The following TEKTIP1 variants were observed in gnomAD, a reference collection of about 807,000 sequenced individuals.
The protein encoded by TEKTIP1 is tektin bundle interacting protein 1, also known as tektin bundle-interacting protein 1.
the TEKTIP1 span, chr19:3,541,563 C>T: frequency 2.6e-5 from 17 of 657,678 alleles, no homozygotes; most frequent in South Asian, 1.3e-4. Context: ...CCTCATGATC[C>T]GCCTGCCTCG....
chr19:3,542,049 A>C, the TEKTIP1 span: 1 of 760,714 alleles, frequency 1.3e-6, no homozygotes, highest in Non-Finnish European at 1.6e-6. Flanking sequence ...ACCTCAGGTG[A>C]TCTACCCACC....
At chr19:3,541,214 T>C in the TEKTIP1 span, among the ~76,000 whole-genome samples, 6 of 143,094 alleles carry the variant, frequency 4.2e-5, no homozygotes, top group Non-Finnish European at 7.5e-5. Flanking sequence ...CACGTGCCTG[T>C]AATGCCAGCT....
the TEKTIP1 span, chr19:3,543,119 G>A: frequency 3.3e-6 from 5 of 1,521,290 alleles, no homozygotes; most frequent in Non-Finnish European, 4.4e-6. Context: ...GGCGAGGGAG[G>A]GAGACCCCAC....
the TEKTIP1 span, chr19:3,543,728 C>T: frequency 6.7e-5 from 100 of 1,494,208 alleles, no homozygotes; most frequent in Non-Finnish European, 8.5e-5. Flanking sequence ...GGGGACAAGG[C>T]CACCTAGGCC....
At chr19:3,541,752 T>G in the TEKTIP1 span, 1 of 985,204 alleles carries the variant, frequency 1.0e-6, no homozygotes, top group African/African-American at 1.7e-5. Flanking sequence ...GAGTGGCAGG[T>G]GGGTACGGGG....
the TEKTIP1 span, among the ~76,000 whole-genome samples, chr19:3,540,461 T>C: frequency 6.6e-6 from 1 of 150,896 alleles, no homozygotes; most frequent in Non-Finnish European, 1.5e-5. Context: ...TTTCACCATG[T>C]TGGCCAGGAT....
chr19:3,542,128 TTG>T, the TEKTIP1 span: 60 of 985,354 alleles, frequency 6.1e-5, no homozygotes, highest in African/African-American at 1.0e-3. Flanking sequence ...GCTGTTTTAA[TTG>T]TGTTTTAAAA....
At chr19:3,541,300 C>G in the TEKTIP1 span, among the ~76,000 whole-genome samples, 1 of 151,760 alleles carries the variant, frequency 6.6e-6, no homozygotes, top group African/African-American at 2.4e-5. Context: ...CGTGCCACTG[C>G]ATTCCAGCCT....
At chr19:3,543,293 C>G in the TEKTIP1 span, 6 of 1,548,540 alleles carry the variant, frequency 3.9e-6, no homozygotes, top group Non-Finnish European at 5.2e-6. Context: ...GCAGGCCACA[C>G]GCTGGAAGTA....
the TEKTIP1 span, chr19:3,543,769 C>A: frequency 6.7e-7 from 1 of 1,489,470 alleles, no homozygotes; most frequent in Non-Finnish European, 9.0e-7. Flanking sequence ...GATCCAGGAG[C>A]CCCTTGCTGG....
the TEKTIP1 span, chr19:3,541,839 C>T: frequency 4.3e-5 from 42 of 970,442 alleles, no homozygotes; most frequent in East Asian, 1.1e-4. Flanking sequence ...GACAGAGTCT[C>T]GCTCTCTCAC....
chr19:3,540,758 A>G, the TEKTIP1 span, among the ~76,000 whole-genome samples: 1 of 151,730 alleles, frequency 6.6e-6, no homozygotes, highest in Non-Finnish European at 1.5e-5. Flanking sequence ...TCATGCCTGT[A>G]ATCCCAGCTA....
the TEKTIP1 span, chr19:3,543,632 T>TG: frequency 1.3e-6 from 2 of 1,543,738 alleles, no homozygotes; most frequent in Non-Finnish European, 1.7e-6. Flanking sequence ...CAGCACCCGG[T>TG]GGGGGAGCGC....
the TEKTIP1 span, chr19:3,541,472 A>C: frequency 1.3e-5 from 2 of 157,826 alleles, no homozygotes; most frequent in Non-Finnish European, 2.7e-5. Context: ...ACAGGCACCC[A>C]CCACCACGCC....
At chr19:3,543,489 CCCG>C in the TEKTIP1 span, 2 of 1,521,028 alleles carry the variant, frequency 1.3e-6, no homozygotes, top group Middle Eastern at 2.3e-4. Context: ...TGCCCCCCCC[CCCG>C]CCCTGGGCAG....
the TEKTIP1 span, among the ~76,000 whole-genome samples, chr19:3,540,442 G>A: frequency 3.3e-5 from 5 of 151,460 alleles, no homozygotes; most frequent in Non-Finnish European, 7.4e-5. Context: ...ATTTTTAGTA[G>A]AGACGGGGTT....
At chr19:3,541,386 G>A in the TEKTIP1 span, among the ~76,000 whole-genome samples, 1 of 149,130 alleles carries the variant, frequency 6.7e-6, no homozygotes, top group African/African-American at 2.5e-5. Flanking sequence ...GCAGTGGAAT[G>A]ATCTCAGCTC....
At chr19:3,543,756 G>A in the TEKTIP1 span, 2 of 1,491,434 alleles carry the variant, frequency 1.3e-6, no homozygotes, top group Non-Finnish European at 1.8e-6. Context: ...AACTGCCCGG[G>A]GCGATCCAGG....
At chr19:3,540,103 T>A in the TEKTIP1 span, 1 of 147,240 alleles carries the variant, frequency 6.8e-6, no homozygotes, top group South Asian at 2.2e-4. Flanking sequence ...TTTTTTTTTT[T>A]TTTTTTTTTT....
Sources: allele counts gnomAD v4.1 joint callset (sites outside exome capture counted in the v4.1 genomes callset), GRCh38; gene constraint gnomAD v4.1.1; transcripts MANE v1.5; gene names NCBI Gene and HGNC (gene_info 2026-07-23, HGNC 2026-07-21).